MITF: variants seen among roughly 807,000 people sequenced by gnomAD.
The protein encoded by MITF is microphthalmia-associated transcription factor.
In MITF, 17 loss-of-function variants were observed where a neutral mutation model predicts 60.5. The ratio of observed to expected loss-of-function variants is 0.28; its 90% CI spans 0.19 to 0.42. The LOEUF (loss-of-function observed/expected upper bound fraction) is 0.42, where lower values mean the gene tolerates loss of function less well. Ranked by LOEUF, MITF falls within the 10% of genes least tolerant of loss-of-function variation. MITF has a pLI of 1.00. For synonymous variants in MITF, 260 were observed against 248.5 expected (o/e 1.05, Z -0.43); for missense variants, 622 against 683.5 (o/e 0.91, Z 1.00).
At chr3:69,856,396 T>C (rs2063919739) in intron 1 of MITF, among the ~76,000 whole-genome samples, 1 of 152,222 alleles carries the variant, frequency 6.6e-6, no homozygotes, top group South Asian at 2.1e-4. Flanking sequence ...TTGCTAGGTA[T>C]ATTGTCTGGA....
Position 69,965,379 on chromosome 3 carries a change from C to A in MITF, c.*131C>A. 3.4e-6 allele frequency: 3 copies of A among 875,028 alleles called. No individual in the cohort carries two copies. The highest frequency in any genetic ancestry group is 5.2e-6 in the Non-Finnish European group (3 of 579,240). The allele number at this position is 875,028 out of a possible 1,614,324, so 54.2% of individuals were successfully genotyped here. On this transcript the variant is annotated 3_prime_UTR_variant, in exon 10 of 10. Coordinates refer to ENST00000352241, the MANE Select transcript of MITF (RefSeq NM_001354604.2). ...ATTTTTTTTCATGCTTTATCAATAGCCCAGGATATATTTTATTTTTAGAAT... is the reference window on the plus strand; with the variant it reads ...ATTTTTTTTCATGCTTTATCAATAGACCAGGATATATTTTATTTTTAGAAT...
chr3:69,743,088 T>G (rs1703591492), intron 1 of MITF, among the ~76,000 whole-genome samples: 1 of 152,204 alleles, frequency 6.6e-6, no homozygotes, highest in Non-Finnish European at 1.5e-5. Context: ...GCTATTGATA[T>G]TTTGGGCCAG....
At chr3:69,908,560 T>G (rs1031431828) in intron 2 of MITF, among the ~76,000 whole-genome samples, 7 of 151,604 alleles carry the variant, frequency 4.6e-5, no homozygotes, top group South Asian at 2.1e-4. Flanking sequence ...TAATAGTAAG[T>G]TTTTTTTTGT....
intron 1 of MITF, among the ~76,000 whole-genome samples, chr3:69,851,970 C>G (rs752575204): frequency 1.1e-4 from 17 of 151,790 alleles, no homozygotes; most frequent in Non-Finnish European, 1.9e-4. Context: ...TATGGGAAAT[C>G]CTAAAGGAAA....
chr3:69,835,533 T>C (rs2063526783), intron 1 of MITF, among the ~76,000 whole-genome samples: 2 of 152,168 alleles, frequency 1.3e-5, no homozygotes, highest in African/African-American at 4.8e-5. Context: ...TGAGGTCTTA[T>C]TTAAAAAATC....
chr3:69,889,174 A>C (rs1013970900), intron 2 of MITF, among the ~76,000 whole-genome samples: 1 of 151,836 alleles, frequency 6.6e-6, no homozygotes, highest in Non-Finnish European at 1.5e-5. Context: ...ACTGTAGTGC[A>C]TTATAGTTTG....
Position 69,741,778 on chromosome 3 carries a change from T to C in MITF, c.104+2077T>C, listed in dbSNP as rs114379519. On this transcript the variant is annotated intron_variant, in intron 1 of 9. Coordinates refer to ENST00000352241, the MANE Select transcript of MITF (RefSeq NM_001354604.2). ...AATAAATATATGGAGTTGGCAACAT[T>C]TCTCTATACTGTTTTCCACAGTTGT... Among the ~76,000 whole-genome samples, 1,450 of 152,330 alleles carry C rather than the reference T, an allele frequency of 9.5e-3. 21 individuals carry two copies. The highest frequency in any genetic ancestry group is 0.033 in the African/African-American group (1,362 of 41,564).
At chr3:69,922,692 C>T (rs987266327) in intron 2 of MITF, among the ~76,000 whole-genome samples, 4 of 152,184 alleles carry the variant, frequency 2.6e-5, no homozygotes, top group Admixed American at 6.5e-5. Flanking sequence ...TTATAAAAGA[C>T]ATTACTATAT....
At chr3:69,763,496 G>A in intron 1 of MITF, 1 of 1,090,564 alleles carries the variant, frequency 9.2e-7, no homozygotes, top group South Asian at 3.7e-5. Flanking sequence ...AGCAATTACT[G>A]GTTTGCTAAA....
At chr3:69,885,361 C>T (rs1307525862) in intron 2 of MITF, among the ~76,000 whole-genome samples, 1 of 152,066 alleles carries the variant, frequency 6.6e-6, no homozygotes, top group East Asian at 1.9e-4. Context: ...ACACAGTTCT[C>T]ATAATTCCAT....
chr3:69,931,831 C>T (rs2065731107), intron 2 of MITF, among the ~76,000 whole-genome samples: 1 of 152,184 alleles, frequency 6.6e-6, no homozygotes, highest in Non-Finnish European at 1.5e-5. Flanking sequence ...AGAACTGACC[C>T]ACAGAAGAGG....
chr3:69,782,994 T>A (rs941030240), intron 1 of MITF, among the ~76,000 whole-genome samples: 4 of 152,114 alleles, frequency 2.6e-5, no homozygotes, highest in African/African-American at 9.7e-5. Flanking sequence ...ATAAGAAAAA[T>A]TATTCTCATC....
chr3:69,915,320 TA>T (rs772214887), intron 2 of MITF, among the ~76,000 whole-genome samples: 51 of 152,240 alleles, frequency 3.3e-4, no homozygotes, highest in Non-Finnish European at 5.7e-4. Flanking sequence ...TTCTGTATTA[TA>T]AAATTATTTT....
At chr3:69,818,031 A>G (rs996945431) in intron 1 of MITF, among the ~76,000 whole-genome samples, 19 of 152,224 alleles carry the variant, frequency 1.2e-4, no homozygotes, top group Non-Finnish European at 2.2e-4. Flanking sequence ...TTTATCAGCG[A>G]TAAACTTCAT....
chr3:69,845,835 T>G (rs906725015), intron 1 of MITF, among the ~76,000 whole-genome samples: 10 of 152,210 alleles, frequency 6.6e-5, no homozygotes, highest in Non-Finnish European at 1.5e-5. Flanking sequence ...GAATTGGCTT[T>G]TCTTTAATGT....
intron 1 of MITF, among the ~76,000 whole-genome samples, chr3:69,777,799 G>A (rs545623824): frequency 6.6e-6 from 1 of 152,146 alleles, no homozygotes; most frequent in Non-Finnish European, 1.5e-5. Context: ...GAACCTGGAA[G>A]GGAAGATAAA....
intron 1 of MITF, among the ~76,000 whole-genome samples, chr3:69,848,957 C>CTTTTTTTTT (rs55969316): frequency 2.7e-5 from 2 of 73,308 alleles, no homozygotes; most frequent in African/African-American, 5.0e-5. Context: ...AAAGATTCTT[C>CTTTTTTTTT]TTTTTTTTTT....
chr3:69,794,127 A>T (rs1011670572), intron 1 of MITF, among the ~76,000 whole-genome samples: 1 of 152,022 alleles, frequency 6.6e-6, no homozygotes, highest in Non-Finnish European at 1.5e-5. Context: ...GTCTCCCCCA[A>T]CTTCTGGCCT....
At chr3:69,741,730 A>T (rs1703536244) in intron 1 of MITF, among the ~76,000 whole-genome samples, 1 of 152,234 alleles carries the variant, frequency 6.6e-6, no homozygotes, top group Non-Finnish European at 1.5e-5. Context: ...TCTTTGAAAT[A>T]AACCAGTTAA....
Sources: allele counts gnomAD v4.1 joint callset (sites outside exome capture counted in the v4.1 genomes callset), GRCh38; gene constraint gnomAD v4.1.1; transcripts MANE v1.5; gene names NCBI Gene and HGNC (gene_info 2026-07-23, HGNC 2026-07-21).